The following SUSD5 variants were observed in gnomAD, a reference collection of about 807,000 sequenced individuals.
SUSD5 encodes the protein sushi domain containing 5.
Under a neutral mutation model 29.5 loss-of-function variants are expected in SUSD5, and 33 were observed. That is an observed-to-expected ratio of 1.12 (90% CI 0.85 to 1.49). SUSD5 has a LOEUF of 1.49. Ranked by LOEUF, SUSD5 falls within the 40% of genes most tolerant of loss-of-function variation. The pLI, the probability that SUSD5 is intolerant of heterozygous loss-of-function variation, is 0.00. For missense variants in SUSD5, 776 were observed against 800.6 expected, an observed-to-expected ratio of 0.97 and a Z score of 0.37; for synonymous variants, 308 against 325.3, an observed-to-expected ratio of 0.95 and a Z score of 0.57.
intron 2 of SUSD5, among the ~76,000 whole-genome samples, 155 bp downstream of exon 2, chr3:33,213,773 C>CAAACA (rs577823372): frequency 1.9e-3 from 295 of 152,020 alleles, no homozygotes; most frequent in East Asian, 5.8e-3. Flanking sequence ...GACTCCATCT[C>CAAACA]AAACAAAACA....
At chr3:33,193,098 G>T (rs1205672378) in intron 3 of SUSD5, among the ~76,000 whole-genome samples, 1 of 152,118 alleles carries the variant, frequency 6.6e-6, no homozygotes, top group East Asian at 1.9e-4. Context: ...GCAAGCAATG[G>T]GGGAGTTGCA....
At chr3:33,184,157 CTCGA>C (rs1299927136) in intron 3 of SUSD5, among the ~76,000 whole-genome samples, 12 of 151,764 alleles carry the variant, frequency 7.9e-5, no homozygotes, top group Admixed American at 3.3e-4. Context: ...CCAGGCAGGT[CTCGA>C]ACTCCTGACC....
intron 3 of SUSD5, among the ~76,000 whole-genome samples, chr3:33,201,135 C>T (rs960513726): frequency 6.6e-6 from 1 of 152,156 alleles, no homozygotes; most frequent in African/African-American, 2.4e-5. Flanking sequence ...TCTTGCAGGT[C>T]CAGAGGCTGC....
intron 2 of SUSD5, among the ~76,000 whole-genome samples, chr3:33,210,346 C>T (rs534781029): frequency 6.6e-6 from 1 of 152,164 alleles, no homozygotes; most frequent in Non-Finnish European, 1.5e-5. Flanking sequence ...CTGCAAGGTC[C>T]CAACCCAAAG....
At chr3:33,192,313 G>A (rs1461908399) in intron 3 of SUSD5, among the ~76,000 whole-genome samples, 17 of 147,330 alleles carry the variant, frequency 1.2e-4, no homozygotes, top group Admixed American at 8.9e-4. Context: ...GGCTGGTTTC[G>A]AACTCCTGAC....
intron 3 of SUSD5, among the ~76,000 whole-genome samples, chr3:33,185,874 A>C (rs1014269126): frequency 2.0e-5 from 3 of 152,190 alleles, no homozygotes; most frequent in Admixed American, 2.0e-4. Flanking sequence ...TCTCAAATGC[A>C]CATTTTTGTA....
intron 3 of SUSD5, among the ~76,000 whole-genome samples, chr3:33,207,586 TCAC>T (rs1464816472): frequency 1.3e-5 from 2 of 152,208 alleles, no homozygotes; most frequent in Non-Finnish European, 2.9e-5. Flanking sequence ...ACTCGGCACC[TCAC>T]CACCACTGTG....
At chr3:33,157,464 T>C (rs893481140) in intron 4 of SUSD5, among the ~76,000 whole-genome samples, 1 of 152,216 alleles carries the variant, frequency 6.6e-6, no homozygotes, top group African/African-American at 2.4e-5. Flanking sequence ...AAGAAAGTCA[T>C]GACGTATATC....
chr3:33,201,388 T>G (rs1387370382), intron 3 of SUSD5, among the ~76,000 whole-genome samples: 1 of 152,156 alleles, frequency 6.6e-6, no homozygotes, highest in African/African-American at 2.4e-5. Context: ...CTCTTCTGAG[T>G]AGCACAGAAG....
rs748885132 is a variant in SUSD5, at chr3:33,153,090, G to A, written c.1542C>T (p.Ile514=). 14 of 1,613,818 alleles carry A rather than the reference G, an allele frequency of 8.7e-6. No individual in the cohort carries two copies. Among genetic ancestry groups the A allele is most frequent in the Non-Finnish European group, 1.2e-5 (14 of 1,179,860 alleles). Residue 514 remains isoleucine (I), a synonymous_variant, in exon 5 of 5, where the codon ATC becomes ATT. Transcript: ENST00000309558. ...KQTPNHIPST[I]MATTQPPVET... ...CTACTGGAGGCTGGGTGGTTGCCAT[G>A]ATCGTTGAGGGGATGTGGTTAGGTG...
intron 3 of SUSD5, among the ~76,000 whole-genome samples, chr3:33,195,207 C>T (rs932650458): frequency 3.3e-5 from 5 of 152,228 alleles, no homozygotes; most frequent in South Asian, 2.1e-4. Flanking sequence ...AACAAACAAA[C>T]GAAACAATAA....
intron 4 of SUSD5, among the ~76,000 whole-genome samples, chr3:33,163,570 A>G (rs531291027): frequency 6.6e-5 from 10 of 152,326 alleles, no homozygotes; most frequent in South Asian, 2.1e-4. Context: ...TTTTAAAAAT[A>G]TATAGGCTGG....
intron 4 of SUSD5, among the ~76,000 whole-genome samples, chr3:33,171,633 G>T (rs2031430296): frequency 6.6e-6 from 1 of 152,152 alleles, no homozygotes; most frequent in East Asian, 1.9e-4. Flanking sequence ...AACCTGAGTT[G>T]TCAGTCCTTG....
At position 33,150,908 on chromosome 3, in the gene SUSD5, CT is replaced by C. The variant is rs2030859875; in HGVS notation, c.*1833del. ...CAAAATAAATGTGTTGCATTCATCACTTTTTACCACTGATAACTATTTCTAA... is the reference window on the plus strand; with the variant it reads ...CAAAATAAATGTGTTGCATTCATCACTTTTACCACTGATAACTATTTCTAA... On this transcript the variant is annotated 3_prime_UTR_variant, in exon 5 of 5. Coordinates refer to ENST00000309558, the MANE Select transcript of SUSD5 (RefSeq NM_015551.2). The C allele has an allele frequency of 6.6e-6, 1 of 152,196 alleles. No homozygotes were observed. Among genetic ancestry groups the C allele is most frequent in the Non-Finnish European group, 1.5e-5 (1 of 68,042 alleles). 9.4% of individuals were successfully genotyped at this position (152,196 alleles called of 1,614,324 possible).
rs2030859934 is a variant in SUSD5 at position 33,150,920 on chromosome 3, G to C, written c.*1822C>G. ...GTTGCATTCATCACTTTTTACCACT[G>C]ATAACTATTTCTAAGAAGGTGATTC... On this transcript the variant is annotated 3_prime_UTR_variant, in exon 5 of 5. Coordinates refer to ENST00000309558, the MANE Select transcript of SUSD5 (RefSeq NM_015551.2). 6.6e-6 allele frequency: 1 copy of C among 152,120 alleles called. No individual in the cohort carries two copies. The highest frequency in any genetic ancestry group is 1.5e-5 in the Non-Finnish European group (1 of 68,032). 9.4% of individuals were successfully genotyped at this position (152,120 alleles called of 1,614,324 possible).
At chr3:33,156,066 A>T (rs1236538752) in intron 4 of SUSD5, among the ~76,000 whole-genome samples, 1 of 149,518 alleles carries the variant, frequency 6.7e-6, no homozygotes, top group Non-Finnish European at 1.5e-5. Flanking sequence ...TTTGAGAGAG[A>T]GTCTCGCTCT....
At chr3:33,210,314 A>AGG (rs2032299057) in intron 2 of SUSD5, among the ~76,000 whole-genome samples, 5 of 152,206 alleles carry the variant, frequency 3.3e-5, no homozygotes, top group Non-Finnish European at 5.9e-5. Context: ...TACTGTGTCC[A>AGG]GCTTACCCTT....
intron 1 of SUSD5, among the ~76,000 whole-genome samples, chr3:33,218,287 C>A (rs1372844991): frequency 6.6e-6 from 1 of 152,212 alleles, no homozygotes; most frequent in Non-Finnish European, 1.5e-5. Context: ...GTTTTCTAAC[C>A]ATCGGCGGTG....
At chr3:33,170,062 C>T (rs745415864) in intron 4 of SUSD5, among the ~76,000 whole-genome samples, 32 of 151,998 alleles carry the variant, frequency 2.1e-4, no homozygotes, top group Admixed American at 3.3e-4. Flanking sequence ...GGACTACAGG[C>T]GCAATGCCAC....
Sources: gnomAD v4.1 joint callset for allele counts (sites outside exome capture counted in the v4.1 genomes callset) on GRCh38, gnomAD v4.1.1 for gene constraint, MANE v1.5 for transcripts, NCBI Gene and HGNC (gene_info 2026-07-23, HGNC 2026-07-21) for gene names.